Variants in FBXL7 observed in about 807,000 individuals in gnomAD.
FBXL7 encodes F-box/LRR-repeat protein 7.
In FBXL7, 12 loss-of-function variants were observed where a neutral mutation model predicts 38.3. That is an observed-to-expected ratio of 0.31 (90% CI 0.20 to 0.51). The LOEUF (loss-of-function observed/expected upper bound fraction) is 0.51, where lower values mean the gene tolerates loss of function less well. Among genes scored for constraint, FBXL7 ranks in the 20% least tolerant of loss-of-function variants. The pLI, the probability that FBXL7 is intolerant of heterozygous loss-of-function variation, is 0.98. For synonymous variants in FBXL7, 297 were observed against 300.9 expected, an observed-to-expected ratio of 0.99 and a Z score of 0.13; for missense variants, 567 against 676.4, an observed-to-expected ratio of 0.84 and a Z score of 1.79.
chr5:15,906,650 A>T, intron 2 of FBXL7, among the ~76,000 whole-genome samples: 1 of 110,680 alleles, frequency 9.0e-6, no homozygotes, highest in Non-Finnish European at 1.8e-5. Flanking sequence ...ATATCTCCCA[A>T]TGCTATCCCT....
intron 2 of FBXL7, among the ~76,000 whole-genome samples, chr5:15,899,193 A>G (rs1579585876): frequency 6.6e-6 from 1 of 152,132 alleles, no homozygotes; most frequent in South Asian, 2.1e-4. Context: ...CATCCTCCCA[A>G]GTAGCTGGGA....
chr5:15,630,937 T>C (rs1740976612), intron 2 of FBXL7, among the ~76,000 whole-genome samples: 1 of 152,158 alleles, frequency 6.6e-6, no homozygotes. Context: ...CTACCTCCTG[T>C]GTTTTTTGTG....
chr5:15,667,779 T>C (rs1043813642), intron 2 of FBXL7, among the ~76,000 whole-genome samples: 6 of 152,182 alleles, frequency 3.9e-5, no homozygotes, highest in Non-Finnish European at 8.8e-5. Context: ...TCAGGTGATA[T>C]CCAGTCCTGA....
At chr5:15,628,868 G>A (rs954044293) in intron 2 of FBXL7, among the ~76,000 whole-genome samples, 1 of 151,994 alleles carries the variant, frequency 6.6e-6, no homozygotes, top group Non-Finnish European at 1.5e-5. Context: ...TATATTTCCT[G>A]CTATAAAACC....
At chr5:15,760,702 A>G (rs1248946745) in intron 2 of FBXL7, among the ~76,000 whole-genome samples, 2 of 152,196 alleles carry the variant, frequency 1.3e-5, no homozygotes, top group African/African-American at 4.8e-5. Flanking sequence ...TCTGGAAGGT[A>G]GAGAGCAAAG....
intron 2 of FBXL7, among the ~76,000 whole-genome samples, chr5:15,661,323 T>G (rs544331634): frequency 6.6e-6 from 1 of 152,206 alleles, no homozygotes; most frequent in Admixed American, 6.5e-5. Flanking sequence ...AGATTTTCTA[T>G]GTAGATGATC....
At chr5:15,508,340 C>T (rs1482302591) in intron 1 of FBXL7, among the ~76,000 whole-genome samples, 1 of 152,144 alleles carries the variant, frequency 6.6e-6, no homozygotes, top group African/African-American at 2.4e-5. Context: ...TAAGTTGGGA[C>T]ATTATCTGTA....
At chr5:15,669,720 G>T (rs1387708814) in intron 2 of FBXL7, among the ~76,000 whole-genome samples, 1 of 152,108 alleles carries the variant, frequency 6.6e-6, no homozygotes, top group African/African-American at 2.4e-5. Context: ...GTCACGGTAA[G>T]TTTCTCAGAG....
At chr5:15,896,923 C>T (rs1741117471) in intron 2 of FBXL7, among the ~76,000 whole-genome samples, 1 of 152,076 alleles carries the variant, frequency 6.6e-6, no homozygotes, top group Non-Finnish European at 1.5e-5. Context: ...CACTTGAGGC[C>T]AGGAGTTCGA....
At chr5:15,547,384 C>T (rs991960700) in intron 1 of FBXL7, among the ~76,000 whole-genome samples, 11 of 152,172 alleles carry the variant, frequency 7.2e-5, no homozygotes, top group African/African-American at 2.4e-4. Context: ...AGCAGGAGTC[C>T]GTGACAGATG....
intron 1 of FBXL7, among the ~76,000 whole-genome samples, chr5:15,509,568 A>G (rs778573173): frequency 6.6e-6 from 1 of 152,218 alleles, no homozygotes; most frequent in Non-Finnish European, 1.5e-5. Context: ...TGAAATGTCT[A>G]AAAGATGTGC....
chr5:15,936,349 A>AC lies in FBXL7; in HGVS notation c.740-98dup. 7.0e-7 allele frequency: 1 copy of AC among 1,430,452 alleles called. No homozygotes were observed. Among genetic ancestry groups the AC allele is most frequent in the Non-Finnish European group, 9.4e-7 (1 of 1,068,220 alleles). The allele number at this position is 1,430,452 out of a possible 1,614,324, so 88.6% of individuals were successfully genotyped here. A position where few individuals can be genotyped will look rare whatever the true frequency, so the allele number is the denominator to read the frequency against. ...CAGGAAAGGGTAACATCAGCCTCGGACCCAGACTTGGGCGAGGGTCAGGAA... is the reference window on the plus strand; with the variant it reads ...CAGGAAAGGGTAACATCAGCCTCGGACCCCAGACTTGGGCGAGGGTCAGGAA... On this transcript the variant is annotated intron_variant, in intron 3 of 3. Coordinates refer to ENST00000504595, the MANE Select transcript of FBXL7 (RefSeq NM_012304.5). This position sits in a 1 kb window ranked among gnomAD's most constrained non-coding sequence, Gnocchi z 6.0.
chr5:15,549,006 AGGTCACTAGGAATTTCTTTGT>A (rs1481795026), intron 1 of FBXL7, among the ~76,000 whole-genome samples: 1 of 152,192 alleles, frequency 6.6e-6, no homozygotes, highest in Non-Finnish European at 1.5e-5. Context: ...AGATCTTGCC[AGGTCACTAGGAATTTCTTTGT>A]GGGCAAAATA....
chr5:15,560,744 A>T (rs576266493), intron 1 of FBXL7, among the ~76,000 whole-genome samples: 76 of 152,208 alleles, frequency 5.0e-4, no homozygotes, highest in African/African-American at 1.8e-3. Context: ...AGTCTCTTTC[A>T]ACTTCCCTCT....
chr5:15,709,546 A>G (rs1044926024), intron 2 of FBXL7, among the ~76,000 whole-genome samples: 14 of 151,814 alleles, frequency 9.2e-5, no homozygotes, highest in African/African-American at 3.4e-4. Context: ...AAAAAGAAAA[A>G]AAAAAAAAAA....
intron 2 of FBXL7, among the ~76,000 whole-genome samples, chr5:15,851,336 A>G (rs773887780): frequency 6.6e-6 from 1 of 152,174 alleles, no homozygotes; most frequent in Non-Finnish European, 1.5e-5. Flanking sequence ...GAAAACAGAT[A>G]TTCTCTTTGT....
chr5:15,717,235 G>A (rs576281194), intron 2 of FBXL7, among the ~76,000 whole-genome samples: 228 of 152,114 alleles, frequency 1.5e-3, no homozygotes, highest in Non-Finnish European at 3.0e-3. Context: ...AGAGAGGTGC[G>A]TTTGGAAATG....
chr5:15,746,775 T>A (rs932600825), intron 2 of FBXL7, among the ~76,000 whole-genome samples: 4 of 152,138 alleles, frequency 2.6e-5, no homozygotes, highest in Admixed American at 2.6e-4. Flanking sequence ...ATGGCCTTTG[T>A]TTTTTCTAAT....
intron 1 of FBXL7, among the ~76,000 whole-genome samples, chr5:15,503,044 G>A (rs910801693): frequency 8.5e-5 from 13 of 152,156 alleles, no homozygotes; most frequent in African/African-American, 3.1e-4. Flanking sequence ...GAAGTACTCT[G>A]TACTTCTATA....
Sources: allele counts gnomAD v4.1 joint callset (sites outside exome capture counted in the v4.1 genomes callset), GRCh38; gene constraint gnomAD v4.1.1; non-coding constraint Gnocchi (gnomAD v3.1); transcripts MANE v1.5; gene names NCBI Gene and HGNC (gene_info 2026-07-23, HGNC 2026-07-21).